The following FAM86B1 variants were observed in gnomAD, a reference collection of about 807,000 sequenced individuals.
FAM86B1 encodes family with sequence similarity 86 member B1 (gene/pseudogene).
For missense variants in FAM86B1, 13 were observed against 328.1 expected (o/e 0.04, Z 7.42); for synonymous variants, 4 against 137.6 (o/e 0.03, Z 6.79).
intron 1 of FAM86B1, among the ~76,000 whole-genome samples, chr8:12,192,785 GA>G: frequency 6.7e-6 from 1 of 149,730 alleles, no homozygotes; most frequent in Non-Finnish European, 1.5e-5. Flanking sequence ...TTTTGAGACT[GA>G]AGAAAACACT....
In FAM86B1 at chr8:12,182,283, G is replaced by C; in HGVS notation, c.*1323C>G. ...GTTGGCCAGAGGCCGAGAGGAGGGT[G>C]CTCACAGGGGAACGTACAGCATGTA... On this transcript the variant is annotated 3_prime_UTR_variant, in exon 7 of 7. Transcript: ENST00000448228. 1 of 237,728 alleles carries C rather than the reference G, an allele frequency of 4.2e-6. No homozygotes were observed. Among genetic ancestry groups the C allele is most frequent in the Non-Finnish European group, 8.1e-6 (1 of 123,374 alleles). 14.7% of individuals were successfully genotyped at this position (237,728 alleles called of 1,614,324 possible). A position where few individuals can be genotyped will look rare whatever the true frequency, so the allele number is the denominator to read the frequency against.
intron 2 of FAM86B1, among the ~76,000 whole-genome samples, chr8:12,190,886 C>T (rs1290641496): frequency 1.1e-5 from 1 of 89,054 alleles, no homozygotes; most frequent in African/African-American, 5.7e-5. Context: ...TACAACCAGC[C>T]TTGTGCTGGG....
chr8:12,193,249 T>C (rs1807230699), intron 1 of FAM86B1, among the ~76,000 whole-genome samples: 1 of 145,936 alleles, frequency 6.9e-6, no homozygotes, highest in South Asian at 2.1e-4. Flanking sequence ...CTAAATATTT[T>C]ATGTCAATGG....
chr8:12,190,163 TC>T (rs1806569693), intron 2 of FAM86B1, among the ~76,000 whole-genome samples: 1 of 116,700 alleles, frequency 8.6e-6, no homozygotes, highest in African/African-American at 4.0e-5. Flanking sequence ...ACCACCTCCC[TC>T]CCAGGGGAGC....
chr8:12,191,327 T>A (rs1412583911), intron 2 of FAM86B1, among the ~76,000 whole-genome samples: 3 of 104,974 alleles, frequency 2.9e-5, no homozygotes, highest in African/African-American at 1.5e-4. Flanking sequence ...CAGGTGGTGA[T>A]CCTGGCTCTC....
Position 12,186,125 on chromosome 8 carries a change from G to A in FAM86B1, c.640+227C>T. ...CTCTGGGACAGAGCCATGTGGTGACGACTGTAACTGTAGTATGCCTGTCTC... is the reference window on the plus strand; with the variant it reads ...CTCTGGGACAGAGCCATGTGGTGACAACTGTAACTGTAGTATGCCTGTCTC... On this transcript the variant is annotated intron_variant, in intron 5 of 6. Coordinates refer to ENST00000448228, the MANE Select transcript of FAM86B1 (RefSeq NM_001083537.4). 9.0e-6 allele frequency: 3 copies of A among 332,832 alleles called. 1 individual carries two copies. Among genetic ancestry groups the A allele is most frequent in the Non-Finnish European group, 4.8e-6 (1 of 209,420 alleles). The allele number at this position is 332,832 out of a possible 1,614,324, so 20.6% of individuals were successfully genotyped here.
At chr8:12,192,946 C>A (rs1387264631) in intron 1 of FAM86B1, among the ~76,000 whole-genome samples, 1 of 146,104 alleles carries the variant, frequency 6.8e-6, no homozygotes, top group Non-Finnish European at 1.5e-5. Context: ...CAGTCACTTG[C>A]CCAAGGTCAC....
At chr8:12,194,116 CG>C, upstream of FAM86B1, 2 of 1,423,902 alleles carry the variant, frequency 1.4e-6, no homozygotes, top group Non-Finnish European at 1.9e-6. Context: ...TGGAGGAAGC[CG>C]GGCCTGGACT....
chr8:12,182,391 G>A lies in FAM86B1; in HGVS notation c.*1215C>T, dbSNP rs1178182259. ...TTCCAGAAAGCATGATGTCAAGTTG[G>A]AAGTGGAGCGCTGCTGGGTTGTGAA... On this transcript the variant is annotated 3_prime_UTR_variant, in exon 7 of 7. Transcript: ENST00000448228. 3.9e-5 allele frequency: 23 copies of A among 593,702 alleles called. No homozygotes were observed. The highest frequency in any genetic ancestry group is 4.9e-5 in the Non-Finnish European group (17 of 344,580). The allele number at this position is 593,702 out of a possible 1,614,324, so 36.8% of individuals were successfully genotyped here. A position where few individuals can be genotyped will look rare whatever the true frequency, so the allele number is the denominator to read the frequency against.
intron 2 of FAM86B1, among the ~76,000 whole-genome samples, chr8:12,190,980 T>C (rs1440864999): frequency 2.0e-5 from 3 of 147,170 alleles, no homozygotes; most frequent in South Asian, 2.2e-4. Context: ...AGGTGCGAGA[T>C]AACTTCAGGT....
chr8:12,187,205 C>CT (rs1806027861), intron 3 of FAM86B1, among the ~76,000 whole-genome samples: 1 of 27,562 alleles, frequency 3.6e-5, no homozygotes, highest in Non-Finnish European at 1.1e-4. Context: ...TGTTTTATCT[C>CT]ATTTTTTTTT....
Position 12,183,257 on chromosome 8 carries a change from G to A in FAM86B1, c.*349C>T, listed in dbSNP as rs200103417. The A allele has an allele frequency of 0.018, 6,460 of 354,814 alleles. 91 individuals carry two copies. In the African/African-American group the frequency reaches 0.19, roughly 10 times the overall value. The allele number at this position is 354,814 out of a possible 1,614,324, so 22.0% of individuals were successfully genotyped here. A position where few individuals can be genotyped will look rare whatever the true frequency, so the allele number is the denominator to read the frequency against. ...ACCGAGTGTGTCCAGGGATGTGGCA[G>A]CTGCAGCGGGCTTGGCTTTCTGAGG... On this transcript the variant is annotated 3_prime_UTR_variant, in exon 7 of 7. Coordinates refer to ENST00000448228, the MANE Select transcript of FAM86B1 (RefSeq NM_001083537.4).
At chr8:12,185,800 GC>G in intron 5 of FAM86B1, 1 of 320,960 alleles carries the variant, frequency 3.1e-6, no homozygotes, top group South Asian at 2.6e-5. Flanking sequence ...TGTCTAGAGG[GC>G]TTTCAATGAC....
chr8:12,194,166 GA>G (rs1807466175), upstream of FAM86B1: 13 of 1,431,482 alleles, frequency 9.1e-6, 1 homozygote, highest in Non-Finnish European at 1.2e-5. Flanking sequence ...CGGGGGCAGA[GA>G]GGGGGCGGGG....
intron 5 of FAM86B1, 154 bp downstream of exon 5, chr8:12,186,197 TC>T: frequency 1.4e-6 from 1 of 696,752 alleles, no homozygotes; most frequent in Non-Finnish European, 2.0e-6. Context: ...GGCACCCCTG[TC>T]CTTTGATGTC....
rs1321249314 is a variant in FAM86B1 at position 12,191,580 on chromosome 8, T to TG, written c.159+198_159+199insC. Among the ~76,000 whole-genome samples the TG allele has an allele frequency of 2.4e-4, 34 of 140,100 alleles. 3 individuals carry two copies. Among genetic ancestry groups the TG allele is most frequent in the African/African-American group, 9.7e-4 (32 of 32,994 alleles). 91.9% of individuals were successfully genotyped at this position (140,100 alleles called of 152,430 possible). On this transcript the variant is annotated intron_variant, in intron 2 of 6. Transcript: ENST00000448228. The stretch of plus-strand genomic sequence containing the variant: ...AGAATTTTGTATATTCTGATGTCTT[T>TG]TCTAAGTCTTACATAGAAAACGAAA...
chr8:12,192,361 TA>T (rs1348391167), intron 1 of FAM86B1, among the ~76,000 whole-genome samples: 1 of 55,184 alleles, frequency 1.8e-5, no homozygotes, highest in Admixed American at 2.1e-4. Context: ...GGCCTGCTGC[TA>T]ATCCCCCTCT....
chr8:12,186,754 GC>G lies in FAM86B1; in HGVS notation c.319del (p.Ala107ProfsTer22). 7.9e-7 allele frequency: 1 copy of G among 1,268,614 alleles called. No homozygotes were observed. Among genetic ancestry groups the G allele is most frequent in the Non-Finnish European group, 1.1e-6 (1 of 912,084 alleles). 78.6% of individuals were successfully genotyped at this position (1,268,614 alleles called of 1,614,324 possible). ...HGTTGLVTWD[A>X]ALYLAEWAIE... ...GGCCCATTCTGCAAGGTAGAGGGCG[GC>G]ATCCCATGTGACCAGGCCTGTGGTA... On this transcript the variant is annotated frameshift_variant, in exon 4 of 7. Coordinates refer to ENST00000448228, the MANE Select transcript of FAM86B1 (RefSeq NM_001083537.4). LOFTEE classifies it high-confidence loss of function.
upstream of FAM86B1, chr8:12,194,656 G>C (rs1476075934): frequency 2.8e-5 from 5 of 177,484 alleles, no homozygotes; most frequent in South Asian, 2.5e-4. Context: ...CCCAGTGCCC[G>C]GGAGGCGGGG....
Sources: gnomAD v4.1 joint callset for allele counts (sites outside exome capture counted in the v4.1 genomes callset) on GRCh38, gnomAD v4.1.1 for gene constraint, MANE v1.5 for transcripts, NCBI Gene and HGNC (gene_info 2026-07-23, HGNC 2026-07-21) for gene names.